Variants in EXT1 observed in about 807,000 individuals in gnomAD.
EXT1 encodes exostosin-1.
EXT1 carries 20 observed loss-of-function variants against 82.5 expected under a neutral mutation model. The observed-to-expected ratio is 0.24, with a 90% CI of 0.17 to 0.35. The LOEUF (loss-of-function observed/expected upper bound fraction) is 0.35, where lower values mean the gene tolerates loss of function less well. Ranked by LOEUF, EXT1 falls within the 10% of genes least tolerant of loss-of-function variation. The pLI, the probability that EXT1 is intolerant of heterozygous loss-of-function variation, is 1.00. For missense variants in EXT1, 757 were observed against 936.5 expected (o/e 0.81, Z 2.50); for synonymous variants, 348 against 350.8 (o/e 0.99, Z 0.09).
intron 1 of EXT1, among the ~76,000 whole-genome samples, chr8:118,038,105 C>T (rs1161800226): frequency 7.9e-5 from 12 of 152,006 alleles, no homozygotes. Context: ...GGATTATAGG[C>T]GTGAGCCACT....
At chr8:117,832,011 T>C (rs1344612979) in intron 3 of EXT1, among the ~76,000 whole-genome samples, 3 of 152,108 alleles carry the variant, frequency 2.0e-5, no homozygotes, top group South Asian at 2.1e-4. Context: ...TTTGAGAAGG[T>C]AGACAAATCA....
At chr8:118,045,290 C>A (rs1327574038) in intron 1 of EXT1, among the ~76,000 whole-genome samples, 1 of 152,204 alleles carries the variant, frequency 6.6e-6, no homozygotes, top group East Asian at 1.9e-4. Flanking sequence ...ACTGCCCCAT[C>A]ACTCAAACAG....
chr8:117,922,358 A>T (rs1313929079), intron 1 of EXT1, among the ~76,000 whole-genome samples: 1 of 152,204 alleles, frequency 6.6e-6, no homozygotes. Context: ...GTACTTTCCC[A>T]AGGAGTTGAC....
intron 5 of EXT1, among the ~76,000 whole-genome samples, chr8:117,821,065 A>G (rs1811917000): frequency 1.3e-5 from 2 of 152,234 alleles, no homozygotes; most frequent in South Asian, 4.1e-4. Context: ...AAACTTCATT[A>G]GTTTAGACCC....
chr8:117,876,048 T>C (rs1586257863), intron 1 of EXT1, among the ~76,000 whole-genome samples: 1 of 152,312 alleles, frequency 6.6e-6, no homozygotes, highest in East Asian at 1.9e-4. Flanking sequence ...TGCCAGAAAC[T>C]ATAAGAGATG....
At chr8:117,804,612 C>T (rs1823210768) in intron 10 of EXT1, 110 bp downstream of exon 10, 1 of 1,200,212 alleles carries the variant, frequency 8.3e-7, no homozygotes, top group Non-Finnish European at 1.2e-6. Flanking sequence ...TTCCTGGTTT[C>T]TCCTCATTAT....
At chr8:117,941,087 T>G (rs1814263021) in intron 1 of EXT1, among the ~76,000 whole-genome samples, 1 of 152,182 alleles carries the variant, frequency 6.6e-6, no homozygotes, top group African/African-American at 2.4e-5. Flanking sequence ...TACTGGCTTC[T>G]ACAAAGAAAT....
At chr8:117,864,520 C>T (rs978173142) in intron 1 of EXT1, among the ~76,000 whole-genome samples, 9 of 152,074 alleles carry the variant, frequency 5.9e-5, no homozygotes, top group South Asian at 2.1e-4. Flanking sequence ...GAGGCCGAGG[C>T]GGGCGGATCA....
chr8:117,919,549 G>A (rs1813817295), intron 1 of EXT1, among the ~76,000 whole-genome samples: 1 of 149,588 alleles, frequency 6.7e-6, no homozygotes, highest in African/African-American at 2.5e-5. Context: ...CAGTTGCTGA[G>A]GATGGAGTGC....
At chr8:117,916,734 G>A (rs538321930) in intron 1 of EXT1, among the ~76,000 whole-genome samples, 2 of 151,908 alleles carry the variant, frequency 1.3e-5, no homozygotes, top group South Asian at 4.2e-4. Flanking sequence ...CCAACATGGT[G>A]AAACCCCGTC....
chr8:117,795,990 T>C lies in EXT1; in HGVS notation c.*3722A>G, dbSNP rs1445847517. 1 of 152,134 alleles carries C rather than the reference T, an allele frequency of 6.6e-6. No individual in the cohort carries two copies. Among genetic ancestry groups the C allele is most frequent in the Non-Finnish European group, 1.5e-5 (1 of 68,022 alleles). The allele number at this position is 152,134 out of a possible 1,614,324, so 9.4% of individuals were successfully genotyped here. The stretch of plus-strand genomic sequence containing the variant: ...CTGATAGTGAAAGAAATTTCTTGGT[T>C]AAATCTGGCCAAGAATGACAAAACC... On this transcript the variant is annotated 3_prime_UTR_variant, in exon 11 of 11. Coordinates refer to ENST00000378204, the MANE Select transcript of EXT1 (RefSeq NM_000127.3).
intron 4 of EXT1, among the ~76,000 whole-genome samples, chr8:117,826,467 C>T (rs1350983871): frequency 6.6e-6 from 1 of 152,208 alleles, no homozygotes; most frequent in African/African-American, 2.4e-5. Flanking sequence ...GTAGCTCCAG[C>T]AGTGACTAAA....
intron 10 of EXT1, among the ~76,000 whole-genome samples, chr8:117,800,646 G>T (rs555439199): frequency 6.6e-5 from 10 of 152,258 alleles, no homozygotes; most frequent in African/African-American, 2.4e-4. Context: ...CCCAAGAATT[G>T]TTGGCTTTCC....
chr8:117,901,303 G>C (rs934461995), intron 1 of EXT1, among the ~76,000 whole-genome samples: 1 of 152,204 alleles, frequency 6.6e-6, no homozygotes, highest in Non-Finnish European at 1.5e-5. Context: ...ACTATGGGCA[G>C]TTGTAACACC....
At chr8:118,002,352 G>A (rs1246182743) in intron 1 of EXT1, among the ~76,000 whole-genome samples, 1 of 136,468 alleles carries the variant, frequency 7.3e-6, no homozygotes, top group African/African-American at 2.8e-5. Context: ...TTGCACTCTA[G>A]CCTGGGCGAC....
At chr8:118,034,180 G>GGT (rs1174415660) in intron 1 of EXT1, among the ~76,000 whole-genome samples, 3 of 152,066 alleles carry the variant, frequency 2.0e-5, no homozygotes, top group African/African-American at 7.2e-5. Flanking sequence ...TTTTTAAAGA[G>GGT]GTGATTCTCT....
chr8:118,074,629 G>A (rs891210051), intron 1 of EXT1, among the ~76,000 whole-genome samples: 7 of 151,964 alleles, frequency 4.6e-5, no homozygotes, highest in Non-Finnish European at 8.8e-5. Flanking sequence ...GAGCGAGCCC[G>A]GGGCTTTGGG....
rs556477493 is a variant in EXT1, at chr8:118,097,271, C to A, written c.962+12814G>T. ...GATCAGCCTGGCCAACATGTCAAAACCTCATCTTTACTAAAAATACAAAAA... is the reference window on the plus strand; with the variant it reads ...GATCAGCCTGGCCAACATGTCAAAAACTCATCTTTACTAAAAATACAAAAA... On this transcript the variant is annotated intron_variant, in intron 1 of 10. Coordinates refer to ENST00000378204, the MANE Select transcript of EXT1 (RefSeq NM_000127.3). Among the ~76,000 whole-genome samples, 98 of 152,200 alleles carry A rather than the reference C, an allele frequency of 6.4e-4. No homozygotes were observed. In the South Asian group the frequency reaches 0.019, roughly 29 times the overall value.
rs1817876310 is a variant in EXT1 at position 118,110,452 on chromosome 8, T to C, written c.595A>G (p.Thr199Ala). The C allele has an allele frequency of 6.2e-7, 1 of 1,614,172 alleles. No individual in the cohort carries two copies. The highest frequency in any genetic ancestry group is 8.5e-7 in the Non-Finnish European group (1 of 1,180,040). The change falls in exon 1 of 11, where the codon ACT becomes GCT. Residue 199 changes from threonine (T) to alanine (A), a missense_variant. Thr to Ala is a moderately conservative substitution (Grantham distance 58). Around this residue, in one of 4 missense-constraint regions of EXT1, gnomAD observed 247 missense variants for 330.1 expected, o/e 0.75. Transcript: ENST00000378204. ...ACGTCCTCGGTGTAGTCAGGCCAAG[T>C]GCCGGAATATAAATTAAAAATTAAA... ...NHLIFNLYSG[T>A]WPDYTEDVGF...
Sources: gnomAD v4.1 joint callset for allele counts (sites outside exome capture counted in the v4.1 genomes callset) on GRCh38, gnomAD v4.1.1 for gene constraint, gnomAD v4.1.1 regional missense constraint, MANE v1.5 for transcripts, NCBI Gene and HGNC (gene_info 2026-07-23, HGNC 2026-07-21) for gene names.